The following FAM110B variants were observed in gnomAD, a reference collection of about 807,000 sequenced individuals.
FAM110B encodes protein FAM110B.
A neutral mutation model predicts 20.4 loss-of-function variants in FAM110B; 6 were observed. The observed-to-expected ratio is 0.29, with a 90% CI of 0.16 to 0.58. The LOEUF is 0.58. Among genes scored for constraint, FAM110B ranks in the 20% least tolerant of loss-of-function variants. FAM110B has a pLI of 0.90. For synonymous variants in FAM110B, 226 were observed against 214.1 expected, an observed-to-expected ratio of 1.06 and a Z score of -0.49; for missense variants, 434 against 498.2, an observed-to-expected ratio of 0.87 and a Z score of 1.23.
intron 3 of FAM110B, among the ~76,000 whole-genome samples, chr8:58,078,908 C>G (rs1021279080): frequency 6.6e-6 from 1 of 152,138 alleles, no homozygotes; most frequent in African/African-American, 2.4e-5. Flanking sequence ...CTCAGAACAA[C>G]AACAACCCTC....
At chr8:58,078,547 CT>C (rs71555701) in intron 3 of FAM110B, among the ~76,000 whole-genome samples, 138 of 115,532 alleles carry the variant, frequency 1.2e-3, no homozygotes, top group Middle Eastern at 5.0e-3. Flanking sequence ...AGATTTTTGC[CT>C]TTTTTTTTTT....
chr8:58,109,370 A>G (rs1807002021), intron 3 of FAM110B, among the ~76,000 whole-genome samples: 1 of 152,156 alleles, frequency 6.6e-6, no homozygotes, highest in Non-Finnish European at 1.5e-5. Context: ...AATTTTTGCT[A>G]TACAAATCTA....
At chr8:58,002,156 G>A (rs977803263) in intron 1 of FAM110B, among the ~76,000 whole-genome samples, 1 of 152,094 alleles carries the variant, frequency 6.6e-6, no homozygotes, top group African/African-American at 2.4e-5. Flanking sequence ...CCTTTACTCA[G>A]TCCATCAATT....
chr8:58,006,923 A>ATTTTTTTTTTT (rs1554568496), intron 1 of FAM110B, among the ~76,000 whole-genome samples: 2 of 126,532 alleles, frequency 1.6e-5, no homozygotes, highest in African/African-American at 3.0e-5. Flanking sequence ...ATATATATAT[A>ATTTTTTTTTTT]TTTTTCCAAA....
intron 3 of FAM110B, among the ~76,000 whole-genome samples, chr8:58,116,536 C>A (rs1807217782): frequency 6.6e-6 from 1 of 152,170 alleles, no homozygotes; most frequent in African/African-American, 2.4e-5. Context: ...TCTTATTTGA[C>A]AGATAGAACA....
Position 58,087,630 on chromosome 8 carries a change from T to C in FAM110B, c.-325+12007T>C, listed in dbSNP as rs192231348. On this transcript the variant is annotated intron_variant, in intron 3 of 3. Coordinates refer to ENST00000519262, the MANE Select transcript of FAM110B (RefSeq NM_001377989.1). ...CTCATTGGCTCATCGGCAGAATGAA[T>C]GAATTGAACTCCAGCAGTGATTTTC... is the stretch of plus-strand genomic sequence containing the variant. Among the ~76,000 whole-genome samples, 688 of 152,278 alleles carry C rather than the reference T, an allele frequency of 4.5e-3. 2 individuals are homozygous for C. Among genetic ancestry groups the C allele is most frequent in the Non-Finnish European group, 7.9e-3 (540 of 68,026 alleles).
chr8:58,147,588 G>C lies in FAM110B; in HGVS notation c.*245G>C, dbSNP rs1803897989. 3.9e-6 allele frequency: 2 copies of C among 516,690 alleles called. No individual in the cohort carries two copies. Among genetic ancestry groups the C allele is most frequent in the East Asian group, 3.2e-5 (1 of 30,928 alleles). 32.0% of individuals were successfully genotyped at this position (516,690 alleles called of 1,614,324 possible). On this transcript the variant is annotated 3_prime_UTR_variant, in exon 4 of 4. Transcript: ENST00000519262. ...CCAGAATCTAATTAGGGCTTTGCTCGTAAGCAAAACTGTTTACATGAAAAT... is the reference window on the plus strand; with the variant it reads ...CCAGAATCTAATTAGGGCTTTGCTCCTAAGCAAAACTGTTTACATGAAAAT...
At chr8:58,073,812 G>C (rs776599044) in intron 2 of FAM110B, among the ~76,000 whole-genome samples, 1 of 152,160 alleles carries the variant, frequency 6.6e-6, no homozygotes, top group Non-Finnish European at 1.5e-5. Flanking sequence ...AGACTGTATT[G>C]TAACACTTGG....
intron 3 of FAM110B, among the ~76,000 whole-genome samples, chr8:58,137,422 G>A (rs1026530043): frequency 5.3e-5 from 8 of 152,118 alleles, no homozygotes; most frequent in Admixed American, 3.3e-4. Flanking sequence ...TTAGCCAGGC[G>A]TAGTGGCAGG....
Position 58,042,038 on chromosome 8 carries a change from T to C in FAM110B, c.-414+10335T>C, listed in dbSNP as rs929414733. ...AACCTGTTTCCTCCTGTTTACCATA[T>C]AAAGGCTGAATAAAATAGATTTTGA... On this transcript the variant is annotated intron_variant, in intron 2 of 3. Coordinates refer to ENST00000519262, the MANE Select transcript of FAM110B (RefSeq NM_001377989.1). 2.0e-5 allele frequency among the ~76,000 whole-genome samples: 3 copies of C among 152,238 alleles called. 1 individual carries two copies. The highest frequency in any genetic ancestry group is 4.4e-5 in the Non-Finnish European group (3 of 68,044).
At chr8:58,037,680 C>G (rs1332550618) in intron 2 of FAM110B, among the ~76,000 whole-genome samples, 1 of 152,068 alleles carries the variant, frequency 6.6e-6, no homozygotes, top group East Asian at 1.9e-4. Flanking sequence ...ATACATCAGT[C>G]ATGATGATGA....
At chr8:58,031,278 T>C (rs1804956275) in intron 1 of FAM110B, 1 of 152,196 alleles carries the variant, frequency 6.6e-6, no homozygotes, top group African/African-American at 2.4e-5. Flanking sequence ...ATTCTGTGAG[T>C]TAGAAGGAGT....
intron 2 of FAM110B, among the ~76,000 whole-genome samples, chr8:58,035,743 A>C (rs1463335017): frequency 6.6e-6 from 1 of 152,250 alleles, no homozygotes; most frequent in Non-Finnish European, 1.5e-5. Flanking sequence ...GTTAAACTAT[A>C]AAGAAAGACA....
intron 3 of FAM110B, among the ~76,000 whole-genome samples, chr8:58,112,940 G>T (rs1807099409): frequency 6.6e-6 from 1 of 152,182 alleles, no homozygotes; most frequent in Non-Finnish European, 1.5e-5. Context: ...AGGCTGGGAA[G>T]TCCAAGACCA....
chr8:58,008,648 A>G (rs984822579), intron 1 of FAM110B, among the ~76,000 whole-genome samples: 5 of 152,200 alleles, frequency 3.3e-5, no homozygotes, highest in Non-Finnish European at 5.9e-5. Flanking sequence ...ATTGTTAACT[A>G]TAGTCACCCT....
chr8:58,097,126 C>T (rs188879606), intron 3 of FAM110B, among the ~76,000 whole-genome samples: 3 of 152,270 alleles, frequency 2.0e-5, no homozygotes, highest in South Asian at 2.1e-4. Context: ...GCATAATACC[C>T]CTAAGAGTGT....
At position 58,147,227 on chromosome 8, in the gene FAM110B, A is replaced by G. The variant is rs756658833; in HGVS notation, c.997A>G (p.Ser333Gly). The G allele has an allele frequency of 2.5e-6, 4 of 1,614,126 alleles. No individual in the cohort carries two copies. The highest frequency in any genetic ancestry group is 2.2e-5 in the East Asian group (1 of 44,882). The change falls in exon 4 of 4, where the codon AGT becomes GGT. Residue 333 changes from serine (S) to glycine (G), a missense_variant. Around this residue, in one of 3 missense-constraint regions of FAM110B, gnomAD observed 94 missense variants for 137.8 expected, o/e 0.68. Coordinates refer to ENST00000519262, the MANE Select transcript of FAM110B (RefSeq NM_001377989.1). The stretch of plus-strand genomic sequence containing the variant: ...TAACAGTGACCTTAGAAATGATGAC[A>G]GTGCCAATGACCGCGTGCCGTATGG... ...DSNSDLRNDD[S>G]ANDRVPYGIS...
intron 3 of FAM110B, among the ~76,000 whole-genome samples, chr8:58,084,393 C>CT (rs574705921): frequency 0.024 from 3,367 of 140,716 alleles, 52 homozygotes; most frequent in African/African-American, 0.029. Context: ...CTCCATTTTC[C>CT]TTTTTTTTTT....
At chr8:58,094,788 CT>C (rs1370902579) in intron 3 of FAM110B, among the ~76,000 whole-genome samples, 10 of 152,132 alleles carry the variant, frequency 6.6e-5, no homozygotes, top group Admixed American at 3.3e-4. Flanking sequence ...AGGATTCCCT[CT>C]TTTTCTTTTG....
Sources: gnomAD v4.1 joint callset for allele counts (sites outside exome capture counted in the v4.1 genomes callset) on GRCh38, gnomAD v4.1.1 for gene constraint, gnomAD v4.1.1 regional missense constraint, MANE v1.5 for transcripts, NCBI Gene and HGNC (gene_info 2026-07-23, HGNC 2026-07-21) for gene names.